NAF1: variants seen among roughly 807,000 people sequenced by gnomAD.
The protein encoded by NAF1 is H/ACA ribonucleoprotein complex non-core subunit NAF1.
A neutral mutation model predicts 40.6 loss-of-function variants in NAF1; 11 were observed. That is an observed-to-expected ratio of 0.27 (90% CI 0.17 to 0.45). NAF1 has a LOEUF of 0.45. Among genes scored for constraint, NAF1 ranks in the 20% least tolerant of loss-of-function variants. NAF1 has a pLI of 1.00. For missense variants in NAF1, 607 were observed against 611.1 expected, an observed-to-expected ratio of 0.99 and a Z score of 0.07; for synonymous variants, 260 against 228.5, an observed-to-expected ratio of 1.14 and a Z score of -1.24.
At position 163,133,147 on chromosome 4, in the gene NAF1, C is replaced by T. The variant is rs754991166; in HGVS notation, c.1033+7G>A. 1 of 1,599,514 alleles carries T rather than the reference C, an allele frequency of 6.3e-7. No homozygotes were observed. Among genetic ancestry groups the T allele is most frequent in the Admixed American group, 1.7e-5 (1 of 59,986 alleles). On this transcript the variant is annotated splice_region_variant and intron_variant, in intron 7 of 7. Transcript: ENST00000274054. ...AAAGAACGAGTATATATATTGTATT[C>T]ACTCACCAGGCTCATTAAATTCAGA...
intron 6 of NAF1, 88 bp from the exon 7 acceptor site, chr4:163,133,344 T>C (rs2110895640): frequency 1.1e-6 from 1 of 933,982 alleles, no homozygotes; most frequent in South Asian, 1.6e-5. Context: ...AATAAGCCTA[T>C]TATGCATCAA....
At chr4:163,131,139 G>T (rs950515225) in intron 7 of NAF1, among the ~76,000 whole-genome samples, 2 of 152,196 alleles carry the variant, frequency 1.3e-5, no homozygotes, top group Non-Finnish European at 2.9e-5. Flanking sequence ...CCAAAGTGCT[G>T]GGATTACAGG....
intron 2 of NAF1, among the ~76,000 whole-genome samples, chr4:163,113,372 G>GT (rs112220202): frequency 0.073 from 10,560 of 144,868 alleles, 518 homozygotes; most frequent in African/African-American, 0.14. Flanking sequence ...GTAATCCCTT[G>GT]TTTTTATTTT....
the NAF1 span, among the ~76,000 whole-genome samples, chr4:163,104,111 A>T: frequency 6.6e-6 from 1 of 151,848 alleles, no homozygotes. Flanking sequence ...TCAGTGGGGG[A>T]GGTTCTGAGC....
chr4:163,159,180 T>C (rs1028018129), intron 2 of NAF1, among the ~76,000 whole-genome samples: 1 of 152,166 alleles, frequency 6.6e-6, no homozygotes, highest in African/African-American at 2.4e-5. Flanking sequence ...ATTTATTTCA[T>C]GTTTATGAAA....
chr4:163,143,873 C>T, intron 4 of NAF1: 1 of 261,192 alleles, frequency 3.8e-6, no homozygotes, highest in African/African-American at 2.3e-5. Context: ...CAATTCCCAT[C>T]AACAAAAATG....
At position 163,164,276 on chromosome 4, in the gene NAF1, G is replaced by T; in HGVS notation, c.481C>A (p.Gln161Lys). ...PVLSDGDDDL[Q>K]IEKENKNFPL... ...AAATTCTTATTTTCCTTCTCAATTT[G>T]TAAATCATCATCTCCATCTGACAGC... The change falls in exon 2 of 8, where the codon CAA (glutamine) becomes AAA (lysine). Residue 161 changes from glutamine (Q) to lysine (K), a missense_variant. Around this residue, in one of 3 missense-constraint regions of NAF1, gnomAD observed 407 missense variants for 365.5 expected, o/e 1.11. Coordinates refer to ENST00000274054, the MANE Select transcript of NAF1 (RefSeq NM_138386.3). The T allele has an allele frequency of 6.3e-7, 1 of 1,585,378 alleles. No homozygotes were observed. The highest frequency in any genetic ancestry group is 1.4e-5 in the African/African-American group (1 of 73,426).
Position 163,145,859 on chromosome 4 carries a change from T to C in NAF1, c.640A>G (p.Ile214Val), listed in dbSNP as rs760455643. Residue 214 changes from isoleucine (I) to valine (V), a missense_variant, in exon 4 of 8, where the codon ATT (isoleucine) becomes GTT (valine). Around this residue, in one of 3 missense-constraint regions of NAF1, gnomAD observed 407 missense variants for 365.5 expected, o/e 1.11. Coordinates refer to ENST00000274054, the MANE Select transcript of NAF1 (RefSeq NM_138386.3). ...VSSIIEQLVI[I>V]ESMTNLPPVN... ...GGAGGTAGGTTAGTCATAGATTCAA[T>C]TATTACTGAAAAATAAAATAGATTA... 6 of 1,442,636 alleles carry C rather than the reference T, an allele frequency of 4.2e-6. 1 individual carries two copies. Among genetic ancestry groups the C allele is most frequent in the South Asian group, 3.7e-5 (3 of 80,402 alleles). The allele number at this position is 1,442,636 out of a possible 1,614,324, so 89.4% of individuals were successfully genotyped here. A position where few individuals can be genotyped will look rare whatever the true frequency, so the allele number is the denominator to read the frequency against.
intron 2 of NAF1, among the ~76,000 whole-genome samples, chr4:163,115,266 T>TG (rs1730298129): frequency 7.1e-6 from 1 of 141,688 alleles, no homozygotes; most frequent in Admixed American, 7.9e-5. Flanking sequence ...TGGAGTGCAG[T>TG]GGCGCCATCT....
the NAF1 span, among the ~76,000 whole-genome samples, chr4:163,104,997 T>G: frequency 6.6e-6 from 1 of 152,248 alleles, no homozygotes; most frequent in South Asian, 2.1e-4. Flanking sequence ...TTAGACTCAG[T>G]ACAAATCTTT....
At chr4:163,134,903 G>T (rs1579147470) in intron 6 of NAF1, 1 of 152,186 alleles carries the variant, frequency 6.6e-6, no homozygotes, top group African/African-American at 2.4e-5. Context: ...GAGCAGGAGG[G>T]AGGAAGTAAG....
At position 163,166,761 on chromosome 4, in the gene NAF1, T is replaced by A; in HGVS notation, c.-34A>T. ...GCCAGAAACCGGGTCGGCCTCAGGATTGGGGCCCCTGGACAAGCTCACGGC... is the reference window on the plus strand; with the variant it reads ...GCCAGAAACCGGGTCGGCCTCAGGAATGGGGCCCCTGGACAAGCTCACGGC... On this transcript the variant is annotated 5_prime_UTR_variant, in exon 1 of 8. Coordinates refer to ENST00000274054, the MANE Select transcript of NAF1 (RefSeq NM_138386.3). 6.2e-7 allele frequency: 1 copy of A among 1,611,300 alleles called. No homozygotes were observed. Among genetic ancestry groups the A allele is most frequent in the Non-Finnish European group, 8.5e-7 (1 of 1,179,130 alleles).
At chr4:163,161,670 T>G (rs1179368339) in intron 2 of NAF1, among the ~76,000 whole-genome samples, 1 of 152,128 alleles carries the variant, frequency 6.6e-6, no homozygotes, top group East Asian at 1.9e-4. Context: ...GTAATATGAG[T>G]CTCTGCTCCT....
intron 2 of NAF1, among the ~76,000 whole-genome samples, chr4:163,110,493 T>C (rs1268843726): frequency 6.6e-6 from 1 of 152,190 alleles, no homozygotes; most frequent in Non-Finnish European, 1.5e-5. Flanking sequence ...TCGCTACTAT[T>C]TGTGATTTCA....
intron 6 of NAF1, among the ~76,000 whole-genome samples, chr4:163,136,951 A>G (rs1337764111): frequency 6.6e-6 from 1 of 152,248 alleles, no homozygotes; most frequent in Non-Finnish European, 1.5e-5. Context: ...TGATAAGGTG[A>G]TAATTATTAA....
chr4:163,166,718 C>T lies in NAF1; in HGVS notation c.10G>A (p.Val4Met), dbSNP rs1441458886. The T allele has an allele frequency of 6.2e-7, 1 of 1,613,380 alleles. No individual in the cohort carries two copies. Among genetic ancestry groups the T allele is most frequent in the Non-Finnish European group, 8.5e-7 (1 of 1,179,970 alleles). ...TCCAGCTGAGCGGCGGCGGCCTCCACTACCTCCATCGCACCGCGCCAGAAA... is the reference window on the plus strand; with the variant it reads ...TCCAGCTGAGCGGCGGCGGCCTCCATTACCTCCATCGCACCGCGCCAGAAA... Reference protein sequence around the residue: MEVVEAAAAQLETL... With the variant: MEVMEAAAAQLETL... Residue 4 changes from valine (V) to methionine (M), a missense_variant, in exon 1 of 8, where the codon GTG becomes ATG. This residue lies in a region of NAF1 where 407 missense variants were observed against 365.5 expected (regional missense o/e 1.11). Coordinates refer to ENST00000274054, the MANE Select transcript of NAF1 (RefSeq NM_138386.3).
chr4:163,113,530 A>C (rs1262598208), intron 2 of NAF1, among the ~76,000 whole-genome samples: 3 of 152,136 alleles, frequency 2.0e-5, no homozygotes, highest in Admixed American at 2.0e-4. Flanking sequence ...TGCATTTGTA[A>C]GTTCAGCCGC....
At chr4:163,150,367 G>A (rs1731650686) in intron 2 of NAF1, among the ~76,000 whole-genome samples, 1 of 151,998 alleles carries the variant, frequency 6.6e-6, no homozygotes, top group Non-Finnish European at 1.5e-5. Context: ...CCAGTGCCAA[G>A]CCCCATAGAC....
downstream of NAF1, among the ~76,000 whole-genome samples, chr4:163,105,941 T>A (rs1016627587): frequency 2.0e-5 from 3 of 152,226 alleles, no homozygotes; most frequent in Non-Finnish European, 2.9e-5. Flanking sequence ...AAGTTGCCAA[T>A]TATATCTTGA....
Sources: allele counts gnomAD v4.1 joint callset (sites outside exome capture counted in the v4.1 genomes callset), GRCh38; gene constraint gnomAD v4.1.1; regional missense constraint gnomAD v4.1.1; transcripts MANE v1.5; gene names NCBI Gene and HGNC (gene_info 2026-07-23, HGNC 2026-07-21).